Variants in MARK1 observed in about 807,000 individuals in gnomAD.
The protein encoded by MARK1 is serine/threonine-protein kinase MARK1.
MARK1 carries 40 observed loss-of-function variants against 96.3 expected under a neutral mutation model. The observed-to-expected ratio is 0.42, with a 90% CI of 0.32 to 0.54. The LOEUF is 0.54. Among genes scored for constraint, MARK1 ranks in the 20% least tolerant of loss-of-function variants. MARK1 has a pLI of 0.16. For synonymous variants in MARK1, 317 were observed against 341.2 expected, an observed-to-expected ratio of 0.93 and a Z score of 0.78; for missense variants, 719 against 984.6, an observed-to-expected ratio of 0.73 and a Z score of 3.61.
intron 9 of MARK1, chr1:220,627,513 T>G (rs750652389): frequency 1.3e-5 from 5 of 390,576 alleles, no homozygotes; most frequent in Non-Finnish European, 2.5e-5. Context: ...ACCTCAGATT[T>G]TATGCTTTCT....
chr1:220,629,352 C>CTT (rs77070158), intron 9 of MARK1, among the ~76,000 whole-genome samples: 7 of 134,484 alleles, frequency 5.2e-5, no homozygotes, highest in Non-Finnish European at 6.5e-5. Flanking sequence ...ACAAGATTGC[C>CTT]TTTTTTTTTT....
At chr1:220,645,378 C>T (rs192036209) in intron 13 of MARK1, among the ~76,000 whole-genome samples, 2 of 152,154 alleles carry the variant, frequency 1.3e-5, no homozygotes, top group Admixed American at 1.3e-4. Flanking sequence ...AGCTTGAATC[C>T]CTGAATAGAC....
At chr1:220,553,967 G>T (rs1056054378) in intron 1 of MARK1, among the ~76,000 whole-genome samples, 1 of 152,180 alleles carries the variant, frequency 6.6e-6, no homozygotes, top group Non-Finnish European at 1.5e-5. Flanking sequence ...TTCAAAACTG[G>T]CAGGCTTTCA....
rs1207242079 is a variant in MARK1 at position 220,528,675 on chromosome 1, G to A, written c.-148G>A. 6.8e-6 allele frequency: 4 copies of A among 590,546 alleles called. No homozygotes were observed. Among genetic ancestry groups the A allele is most frequent in the Admixed American group, 4.3e-5 (1 of 23,314 alleles). The allele number at this position is 590,546 out of a possible 1,614,324, so 36.6% of individuals were successfully genotyped here. A position where few individuals can be genotyped will look rare whatever the true frequency, so the allele number is the denominator to read the frequency against. ...CGTCCTCTTCCCTCTTTCCCCCGCCGGGGCCGCTTGTTGCACCGCCCCGCG... is the reference window on the plus strand; with the variant it reads ...CGTCCTCTTCCCTCTTTCCCCCGCCAGGGCCGCTTGTTGCACCGCCCCGCG... On this transcript the variant is annotated 5_prime_UTR_variant, in exon 1 of 18. Transcript: ENST00000366917.
At chr1:220,587,135 A>G (rs1367523313) in intron 3 of MARK1, among the ~76,000 whole-genome samples, 2 of 151,732 alleles carry the variant, frequency 1.3e-5, no homozygotes, top group East Asian at 1.9e-4. Flanking sequence ...ACTTTTTTTT[A>G]CATATGATTG....
chr1:220,581,073 G>T lies in MARK1; in HGVS notation c.264G>T (p.Val88=). The T allele has an allele frequency of 7.8e-7, 1 of 1,274,514 alleles. No individual in the cohort carries two copies. Among genetic ancestry groups the T allele is most frequent in the East Asian group, 2.7e-5 (1 of 37,120 alleles). 79.0% of individuals were successfully genotyped at this position (1,274,514 alleles called of 1,614,324 possible). A position where few individuals can be genotyped will look rare whatever the true frequency, so the allele number is the denominator to read the frequency against. The change falls in exon 3 of 18, where the codon GTG becomes GTT. Residue 88 remains valine, a synonymous_variant. Coordinates refer to ENST00000366917, the MANE Select transcript of MARK1 (RefSeq NM_018650.5). ...RHVLTGREVA[V]KIIDKTQLNP... ...TGATTCTTCTTTTTTAGGTTGCTGT[G>T]AAAATAATAGACAAAACTCAGCTAA...
intron 1 of MARK1, among the ~76,000 whole-genome samples, chr1:220,532,013 T>A (rs1572030215): frequency 1.3e-5 from 2 of 152,152 alleles, no homozygotes; most frequent in Non-Finnish European, 1.5e-5. Flanking sequence ...AGAAAAAAAA[T>A]TTAGTATTTG....
At chr1:220,658,793 T>TAAAAAA (rs1669314802) in intron 17 of MARK1, among the ~76,000 whole-genome samples, 3 of 152,238 alleles carry the variant, frequency 2.0e-5, no homozygotes, top group Non-Finnish European at 2.9e-5. Context: ...CAAACTGTGC[T>TAAAAAA]ATATTTACAT....
At chr1:220,532,906 A>G (rs1471379399) in intron 1 of MARK1, among the ~76,000 whole-genome samples, 1 of 151,888 alleles carries the variant, frequency 6.6e-6, no homozygotes, top group Middle Eastern at 3.2e-3. Flanking sequence ...GCTACTAGAG[A>G]GGCTGAGGTG....
chr1:220,577,961 T>G (rs1663985911), intron 1 of MARK1, among the ~76,000 whole-genome samples: 1 of 152,116 alleles, frequency 6.6e-6, no homozygotes, highest in African/African-American at 2.4e-5. Flanking sequence ...TTTTAAAAAA[T>G]TATCATAAAA....
chr1:220,588,770 A>G (rs1028623533), intron 3 of MARK1, among the ~76,000 whole-genome samples: 4 of 152,332 alleles, frequency 2.6e-5, no homozygotes, highest in Admixed American at 6.5e-5. Context: ...CACTTATGAG[A>G]TAGTCTAGAC....
chr1:220,638,250 C>G (rs1262310379), intron 13 of MARK1, among the ~76,000 whole-genome samples: 4 of 151,958 alleles, frequency 2.6e-5, no homozygotes, highest in Non-Finnish European at 4.4e-5. Context: ...TGTCATTTGA[C>G]TGAACTGAGT....
intron 13 of MARK1, among the ~76,000 whole-genome samples, chr1:220,646,355 A>C (rs1384793700): frequency 6.6e-6 from 1 of 152,168 alleles, no homozygotes; most frequent in African/African-American, 2.4e-5. Context: ...CTAGCAACGG[A>C]AGTGAGGGAC....
intron 1 of MARK1, among the ~76,000 whole-genome samples, chr1:220,545,674 A>G (rs1247450202): frequency 2.6e-5 from 4 of 152,020 alleles, no homozygotes; most frequent in Admixed American, 6.6e-5. Context: ...CTTGGGCTCA[A>G]GCGAGCCACC....
chr1:220,605,095 A>G (rs1037631775), intron 6 of MARK1, among the ~76,000 whole-genome samples: 2 of 152,172 alleles, frequency 1.3e-5, no homozygotes, highest in African/African-American at 4.8e-5. Context: ...TTAACATGTT[A>G]AACAAATAGA....
At chr1:220,562,002 T>C (rs958714369) in intron 1 of MARK1, among the ~76,000 whole-genome samples, 2 of 152,146 alleles carry the variant, frequency 1.3e-5, no homozygotes, top group Non-Finnish European at 2.9e-5. Flanking sequence ...CATTTGGCAA[T>C]CTTACACTAA....
At chr1:220,607,049 T>G (rs1194605747) in intron 6 of MARK1, among the ~76,000 whole-genome samples, 1 of 152,202 alleles carries the variant, frequency 6.6e-6, no homozygotes, top group African/African-American at 2.4e-5. Flanking sequence ...TTTTTTCAAA[T>G]TCTGTGAAGA....
intron 13 of MARK1, among the ~76,000 whole-genome samples, chr1:220,643,959 A>G (rs866114779): frequency 4.6e-5 from 7 of 152,214 alleles, no homozygotes; most frequent in South Asian, 4.1e-4. Context: ...AGCCATTACA[A>G]AAACACACTG....
At chr1:220,592,220 ATAT>A (rs1553324933) in intron 3 of MARK1, among the ~76,000 whole-genome samples, 1 of 18,530 alleles carries the variant, frequency 5.4e-5, no homozygotes, top group African/African-American at 2.5e-4. Flanking sequence ...TGATTATATC[ATAT>A]TATATTATAT....
Sources: gnomAD v4.1 joint callset for allele counts (sites outside exome capture counted in the v4.1 genomes callset) on GRCh38, gnomAD v4.1.1 for gene constraint, MANE v1.5 for transcripts, NCBI Gene and HGNC (gene_info 2026-07-23, HGNC 2026-07-21) for gene names.